Variants in SLC30A6 observed in about 807,000 individuals in gnomAD.
SLC30A6 encodes the protein solute carrier family 30 member 6.
SLC30A6 carries 55 observed loss-of-function variants against 63.0 expected under a neutral mutation model. The ratio of observed to expected loss-of-function variants is 0.87; its 90% CI spans 0.70 to 1.09. The LOEUF is 1.09. Ranked by LOEUF, SLC30A6 falls within the 50% of genes least tolerant of loss-of-function variation. SLC30A6 has a pLI of 0.00. For missense variants in SLC30A6, 587 were observed against 549.2 expected, an observed-to-expected ratio of 1.07 and a Z score of -0.69; for synonymous variants, 224 against 186.1, an observed-to-expected ratio of 1.20 and a Z score of -1.66.
intron 4 of SLC30A6, among the ~76,000 whole-genome samples, chr2:32,182,461 T>G (rs1009517615): frequency 6.6e-6 from 1 of 152,144 alleles, no homozygotes; most frequent in African/African-American, 2.4e-5. Context: ...GCTCTTTTGA[T>G]TGCAGCCATC....
At chr2:32,173,476 C>G (rs1430687836) in intron 2 of SLC30A6, among the ~76,000 whole-genome samples, 1 of 151,588 alleles carries the variant, frequency 6.6e-6, no homozygotes, top group Non-Finnish European at 1.5e-5. Flanking sequence ...CTGGTTCAAG[C>G]GATTCTCCTG....
chr2:32,201,517 C>T lies in SLC30A6; in HGVS notation c.666-3073C>T, dbSNP rs1573370437. 8.1e-6 allele frequency: 5 copies of T among 614,702 alleles called. No homozygotes were observed. In the South Asian group the frequency reaches 1.3e-4, roughly 16 times the overall value. The allele number at this position is 614,702 out of a possible 1,614,324, so 38.1% of individuals were successfully genotyped here. On this transcript the variant is annotated intron_variant, in intron 10 of 13. Coordinates refer to ENST00000282587, the MANE Select transcript of SLC30A6 (RefSeq NM_017964.5). The stretch of plus-strand genomic sequence containing the variant: ...CACACAGCCACGGCTGAGTGGCTGC[C>T]CTGCCCCTGTTTCCTTTCACGTTTT...
intron 11 of SLC30A6, 104 bp downstream of exon 11, chr2:32,204,796 T>C (rs1342247064): frequency 2.0e-6 from 1 of 491,350 alleles, no homozygotes; most frequent in East Asian, 4.5e-5. Flanking sequence ...TTTTTATTTT[T>C]ATTTTTTAAT....
chr2:32,209,579 T>C lies in SLC30A6; in HGVS notation c.885+18T>C, dbSNP rs748302139. ...GCTCATTGGTATGTTCTTTTACATA[T>C]GACTTTAGTTATAATTTAAAATATA... On this transcript the variant is annotated intron_variant, in intron 13 of 13. Coordinates refer to ENST00000282587, the MANE Select transcript of SLC30A6 (RefSeq NM_017964.5). 2.0e-5 allele frequency: 32 copies of C among 1,567,458 alleles called. No homozygotes were observed. The highest frequency in any genetic ancestry group is 2.2e-5 in the Non-Finnish European group (26 of 1,156,412).
chr2:32,201,660 G>C (rs1194928298), intron 10 of SLC30A6: 1 of 1,509,878 alleles, frequency 6.6e-7, no homozygotes, highest in African/African-American at 1.4e-5. Flanking sequence ...GGAGGAGTCC[G>C]AGAGCCAGAA....
intron 8 of SLC30A6, among the ~76,000 whole-genome samples, chr2:32,195,927 C>T (rs915992124): frequency 5.9e-5 from 9 of 152,066 alleles, no homozygotes; most frequent in African/African-American, 2.2e-4. Context: ...GCATGTGCCT[C>T]TAGTCCCAGC....
At chr2:32,203,816 C>A in intron 10 of SLC30A6, 2 of 1,444,606 alleles carry the variant, frequency 1.4e-6, no homozygotes, top group South Asian at 2.3e-5. Context: ...AGAAACACAT[C>A]TTCTAATTCC....
chr2:32,175,293 T>A, intron 3 of SLC30A6, 26 bp from the exon 4 acceptor site: 2 of 1,606,740 alleles, frequency 1.2e-6, no homozygotes, highest in Non-Finnish European at 8.5e-7. Context: ...AGTAATACTT[T>A]TAATCATTTT....
chr2:32,166,873 A>G (rs1342637864), intron 1 of SLC30A6, among the ~76,000 whole-genome samples: 1 of 152,238 alleles, frequency 6.6e-6, no homozygotes, highest in Non-Finnish European at 1.5e-5. Flanking sequence ...GCTAATGATC[A>G]AATAGCCTTC....
At chr2:32,206,982 G>C in intron 12 of SLC30A6, 49 bp downstream of exon 12, 3 of 1,412,134 alleles carry the variant, frequency 2.1e-6, no homozygotes, top group Non-Finnish European at 3.0e-6. Context: ...TCAGGGAATT[G>C]AAAAGGTGGA....
At chr2:32,220,025 C>G (rs1211004158) in intron 13 of SLC30A6, among the ~76,000 whole-genome samples, 188 bp from the exon 14 acceptor site, 1 of 151,922 alleles carries the variant, frequency 6.6e-6, no homozygotes, top group African/African-American at 2.4e-5. Context: ...TTTAAAGATT[C>G]ACAAATTATT....
chr2:32,171,725 T>A lies in SLC30A6; in HGVS notation c.90+352T>A, dbSNP rs184920933. Among the ~76,000 whole-genome samples the A allele has an allele frequency of 2.6e-5, 4 of 151,696 alleles. No homozygotes were observed. The East Asian group carries it at 5.8e-4, about 22-fold the overall frequency. The stretch of plus-strand genomic sequence containing the variant: ...TTTTTTTTTTGAGATGAAGTTACAC[T>A]CTTGTTGCCTAAGCTGGAGTGCAAT... On this transcript the variant is annotated intron_variant, in intron 2 of 13. Coordinates refer to ENST00000282587, the MANE Select transcript of SLC30A6 (RefSeq NM_017964.5).
intron 10 of SLC30A6, among the ~76,000 whole-genome samples, chr2:32,204,169 C>T (rs975527339): frequency 1.3e-5 from 2 of 152,102 alleles, no homozygotes; most frequent in Non-Finnish European, 2.9e-5. Flanking sequence ...AACAGATCTA[C>T]TTACCAGTTA....
chr2:32,177,508 T>A (rs1038336510), intron 4 of SLC30A6: 17 of 243,094 alleles, frequency 7.0e-5, no homozygotes, highest in African/African-American at 4.0e-4. Flanking sequence ...GCTGGGCTGG[T>A]CTCAAACTCC....
At chr2:32,205,229 G>A (rs1205948578) in intron 11 of SLC30A6, among the ~76,000 whole-genome samples, 2 of 152,084 alleles carry the variant, frequency 1.3e-5, no homozygotes, top group African/African-American at 2.4e-5. Flanking sequence ...GACCAGCCTG[G>A]CCAACATGGT....
intron 12 of SLC30A6, among the ~76,000 whole-genome samples, chr2:32,207,327 C>T (rs964559529): frequency 3.3e-5 from 5 of 152,012 alleles, no homozygotes; most frequent in African/African-American, 7.2e-5. Flanking sequence ...TCTCCTTCCT[C>T]GGCCTCCTGA....
chr2:32,212,987 T>A (rs1685385892), intron 13 of SLC30A6, among the ~76,000 whole-genome samples: 1 of 147,512 alleles, frequency 6.8e-6, no homozygotes, highest in Non-Finnish European at 1.5e-5. Context: ...CTCACTGCAG[T>A]CTCAAATGTC....
rs762499428 is a variant in SLC30A6, at chr2:32,197,686, T to A, written c.546-21T>A. ...ATGTGAGTTCTGCTAATGGATACTC[T>A]TTCTGTTTGTTTTTTCTTAGCTTGT... On this transcript the variant is annotated intron_variant, in intron 9 of 13. Coordinates refer to ENST00000282587, the MANE Select transcript of SLC30A6 (RefSeq NM_017964.5). The A allele has an allele frequency of 4.1e-5, 66 of 1,613,456 alleles. No homozygotes were observed. In the South Asian group the frequency reaches 7.1e-4, roughly 17 times the overall value.
At chr2:32,193,616 A>G (rs1464246733) in intron 7 of SLC30A6, among the ~76,000 whole-genome samples, 1 of 152,172 alleles carries the variant, frequency 6.6e-6, no homozygotes, top group Admixed American at 6.6e-5. Flanking sequence ...AACAAATACC[A>G]TTGATATTTA....
Sources: gnomAD v4.1 joint callset for allele counts (sites outside exome capture counted in the v4.1 genomes callset) on GRCh38, gnomAD v4.1.1 for gene constraint, MANE v1.5 for transcripts, NCBI Gene and HGNC (gene_info 2026-07-23, HGNC 2026-07-21) for gene names.